Variants in ITFG1 observed in about 807,000 individuals in gnomAD.
The protein encoded by ITFG1 is T-cell immunomodulatory protein.
A neutral mutation model predicts 81.8 loss-of-function variants in ITFG1; 34 were observed. The observed-to-expected ratio is 0.42, with a 90% CI of 0.32 to 0.55. The LOEUF (loss-of-function observed/expected upper bound fraction) is 0.55, where lower values mean the gene tolerates loss of function less well. Ranked by LOEUF, ITFG1 falls within the 20% of genes least tolerant of loss-of-function variation. The probability of loss-of-function intolerance (pLI) is 0.17; values close to 1 mark genes in which losing one functional copy is unlikely to be tolerated. For synonymous variants in ITFG1, 285 were observed against 270.6 expected (o/e 1.05, Z -0.52); for missense variants, 672 against 755.4 (o/e 0.89, Z 1.29).
chr16:47,455,389 T>TA lies in ITFG1; in HGVS notation c.282-1232dup, dbSNP rs1194363544. 2.7e-3 allele frequency among the ~76,000 whole-genome samples: 362 copies of TA among 136,434 alleles called. 1 individual carries two copies. The highest frequency in any genetic ancestry group is 4.7e-3 in the African/African-American group (172 of 36,962). The allele number at this position is 136,434 out of a possible 152,430, so 89.5% of individuals were successfully genotyped here. A position where few individuals can be genotyped will look rare whatever the true frequency, so the allele number is the denominator to read the frequency against. On this transcript the variant is annotated intron_variant, in intron 2 of 17. Transcript: ENST00000320640. ...CACTTAAGAGAAAAAAGTCTGTCTA[T>TA]AAAAAAAAAAACAAACCAACAACAG...
chr16:47,181,104 G>A (rs1965106068), intron 14 of ITFG1, among the ~76,000 whole-genome samples: 1 of 150,894 alleles, frequency 6.6e-6, no homozygotes, highest in Non-Finnish European at 1.5e-5. Context: ...GAGCGTCTCT[G>A]CCCGGCCGCC....
At chr16:47,454,954 A>C (rs1374739618) in intron 2 of ITFG1, among the ~76,000 whole-genome samples, 1 of 152,188 alleles carries the variant, frequency 6.6e-6, no homozygotes, top group Non-Finnish European at 1.5e-5. Flanking sequence ...TTAATGCATC[A>C]GTGGTAGTTC....
At chr16:47,264,534 C>G (rs1966251365) in intron 10 of ITFG1, among the ~76,000 whole-genome samples, 1 of 145,050 alleles carries the variant, frequency 6.9e-6, no homozygotes, top group South Asian at 2.2e-4. Context: ...TTATTGCCAA[C>G]TGTTCTCTAT....
chr16:47,339,325 G>A (rs1967750109), intron 8 of ITFG1, among the ~76,000 whole-genome samples: 1 of 152,148 alleles, frequency 6.6e-6, no homozygotes, highest in Admixed American at 6.5e-5. Context: ...GGGACTGCAG[G>A]ATCCACATGG....
chr16:47,460,179 G>C (rs1969510483), intron 1 of ITFG1, among the ~76,000 whole-genome samples: 1 of 152,240 alleles, frequency 6.6e-6, no homozygotes, highest in African/African-American at 2.4e-5. Context: ...CGAAAGAACA[G>C]GCAGCTCAAG....
At chr16:47,429,194 T>A (rs1261329552) in intron 5 of ITFG1, among the ~76,000 whole-genome samples, 3 of 152,230 alleles carry the variant, frequency 2.0e-5, no homozygotes, top group Non-Finnish European at 4.4e-5. Context: ...ACATTTCACA[T>A]AAATAAAATC....
At chr16:47,451,579 C>T (rs772391323) in intron 4 of ITFG1, 109 bp from the exon 5 acceptor site, 30 of 618,116 alleles carry the variant, frequency 4.9e-5, no homozygotes, top group East Asian at 1.7e-4. Flanking sequence ...TTACAATGCT[C>T]GCCAGTATCT....
At chr16:47,340,777 AC>A (rs1341070697) in intron 8 of ITFG1, among the ~76,000 whole-genome samples, 2 of 152,170 alleles carry the variant, frequency 1.3e-5, no homozygotes, top group African/African-American at 4.8e-5. Context: ...TCTATAAGAG[AC>A]TCTACATAGA....
At position 47,237,974 on chromosome 16, in the gene ITFG1, A is replaced by T. The variant is rs1392674961; in HGVS notation, c.1365T>A (p.Arg455=). ...ATATAAATTTACTTACTGTTATCTT[A>T]CGAGGACAGTCATTAGAACACAGAC... ...LSGLCSNDCP[R]KITPFGVNQP... is the part of the protein sequence containing the mutation. The change falls in exon 13 of 18, where the codon CGT becomes CGA. Residue 455 remains arginine, a synonymous_variant. Coordinates refer to ENST00000320640, the MANE Select transcript of ITFG1 (RefSeq NM_030790.5). 1.4e-6 allele frequency: 2 copies of T among 1,439,974 alleles called. No individual in the cohort carries two copies. Among genetic ancestry groups the T allele is most frequent in the Admixed American group, 4.1e-5 (2 of 48,272 alleles). The allele number at this position is 1,439,974 out of a possible 1,614,324, so 89.2% of individuals were successfully genotyped here.
intron 13 of ITFG1, among the ~76,000 whole-genome samples, chr16:47,222,413 C>CTTT (rs1043034196): frequency 3.8e-5 from 5 of 130,928 alleles, no homozygotes; most frequent in African/African-American, 1.4e-4. Context: ...GAGTTTCTTT[C>CTTT]TTTTTTTTTT....
At chr16:47,442,447 A>G (rs1400574076) in intron 5 of ITFG1, among the ~76,000 whole-genome samples, 1 of 152,176 alleles carries the variant, frequency 6.6e-6, no homozygotes, top group Non-Finnish European at 1.5e-5. Context: ...TGCCAAGTCA[A>G]TCCTATGCCA....
chr16:47,422,371 T>C (rs1293115600), intron 6 of ITFG1, among the ~76,000 whole-genome samples: 1 of 152,236 alleles, frequency 6.6e-6, no homozygotes, highest in Non-Finnish European at 1.5e-5. Context: ...ATGGACATTC[T>C]AACTGGCATG....
At chr16:47,429,304 T>C (rs112317040) in intron 5 of ITFG1, among the ~76,000 whole-genome samples, 76 of 152,364 alleles carry the variant, frequency 5.0e-4, no homozygotes, top group South Asian at 1.7e-3. Flanking sequence ...GTTCTTTCTA[T>C]AGCGGAATAA....
chr16:47,346,821 C>T (rs934957816), intron 8 of ITFG1, among the ~76,000 whole-genome samples: 3 of 152,194 alleles, frequency 2.0e-5, no homozygotes, highest in African/African-American at 7.2e-5. Flanking sequence ...CTGCTGAATT[C>T]TACCAAACCA....
In ITFG1 at chr16:47,409,198, G is replaced by A. The variant is rs564556576; in HGVS notation, c.655+19606C>T. 1.9e-3 allele frequency among the ~76,000 whole-genome samples: 285 copies of A among 150,482 alleles called. 4 individuals are homozygous for A. The highest frequency in any genetic ancestry group is 3.1e-3 in the Non-Finnish European group (207 of 67,728). On this transcript the variant is annotated intron_variant, in intron 6 of 17. Transcript: ENST00000320640. ...TTTTGACTTCTGCAATGAAGTTTTT[G>A]AGTCTCTCGAGAGAAAAACTATGGA...
rs977324752 is a variant in ITFG1, at chr16:47,348,426, T to C, written c.802+17362A>G. On this transcript the variant is annotated intron_variant, in intron 8 of 17. Coordinates refer to ENST00000320640, the MANE Select transcript of ITFG1 (RefSeq NM_030790.5). ...TACGTGACAAATGCATAAGCTTCAATAGCTGATTCCATTAACTGGAAGAAA... is the reference window on the plus strand; with the variant it reads ...TACGTGACAAATGCATAAGCTTCAACAGCTGATTCCATTAACTGGAAGAAA... Among the ~76,000 whole-genome samples, 6 of 152,212 alleles carry C rather than the reference T, an allele frequency of 3.9e-5. No individual in the cohort carries two copies. The East Asian group carries it at 7.7e-4, about 20-fold the overall frequency.
chr16:47,372,664 C>T (rs1474567550), intron 7 of ITFG1, among the ~76,000 whole-genome samples: 2 of 151,738 alleles, frequency 1.3e-5, no homozygotes, highest in Non-Finnish European at 2.9e-5. Context: ...AGCTGGCCAG[C>T]CTGGTCTTAA....
intron 13 of ITFG1, among the ~76,000 whole-genome samples, chr16:47,223,924 A>G: frequency 6.6e-6 from 1 of 152,054 alleles, no homozygotes; most frequent in Admixed American, 6.6e-5. Context: ...AGGGACATGG[A>G]TGAAATTGGA....
chr16:47,216,658 T>G (rs1415464706), intron 14 of ITFG1, among the ~76,000 whole-genome samples: 1 of 151,846 alleles, frequency 6.6e-6, no homozygotes, highest in Non-Finnish European at 1.5e-5. Flanking sequence ...TATTATTTTA[T>G]TATTTATTTA....
Sources: allele counts gnomAD v4.1 joint callset (sites outside exome capture counted in the v4.1 genomes callset), GRCh38; gene constraint gnomAD v4.1.1; transcripts MANE v1.5; gene names NCBI Gene and HGNC (gene_info 2026-07-23, HGNC 2026-07-21).